ITGAM: variants seen among roughly 807,000 people sequenced by gnomAD.
The protein encoded by ITGAM is integrin alpha-M.
Under a neutral mutation model 137.5 loss-of-function variants are expected in ITGAM, and 79 were observed. The observed-to-expected ratio is 0.57, with a 90% CI of 0.48 to 0.69. The LOEUF is 0.69. Among genes scored for constraint, ITGAM ranks in the 30% least tolerant of loss-of-function variants. The probability of loss-of-function intolerance (pLI) is 0.00; values close to 1 mark genes in which losing one functional copy is unlikely to be tolerated. For synonymous variants in ITGAM, 583 were observed against 592.3 expected, an observed-to-expected ratio of 0.98 and a Z score of 0.23; for missense variants, 1,343 against 1,483.5, an observed-to-expected ratio of 0.91 and a Z score of 1.56.
At chr16:31,301,107 T>A (rs2080193210) in intron 14 of ITGAM, among the ~76,000 whole-genome samples, 1 of 152,248 alleles carries the variant, frequency 6.6e-6, no homozygotes. Context: ...GCTTAGTTAT[T>A]TTTGTCGTCT....
intron 22 of ITGAM, among the ~76,000 whole-genome samples, chr16:31,327,423 C>A (rs1333484417): frequency 1.1e-4 from 16 of 139,730 alleles, no homozygotes; most frequent in African/African-American, 1.9e-4. Context: ...CCTGTTTCTA[C>A]AAAAAAAAAA....
rs771460069 is a variant in ITGAM at position 31,265,505 on chromosome 16, C to T, written c.238+7C>T. 23 of 1,568,506 alleles carry T rather than the reference C, an allele frequency of 1.5e-5. No individual in the cohort carries two copies. In the South Asian group the frequency reaches 2.5e-4, roughly 17 times the overall value. On this transcript the variant is annotated splice_region_variant and intron_variant, in intron 3 of 29. Coordinates refer to ENST00000544665, the MANE Select transcript of ITGAM (RefSeq NM_000632.4). The stretch of plus-strand genomic sequence containing the variant: ...GAGCCCATCCGCCTGCAGGGTGAGT[C>T]ACTGCCCCGCCGGGCTGGGACTGGG...
rs2079753499 is a variant in ITGAM, at chr16:31,265,395, G to A, written c.135G>A (p.Arg45=). The change falls in exon 3 of 30, where the codon AGG becomes AGA. Residue 45 remains arginine (R), a splice_region_variant and synonymous_variant. Coordinates refer to ENST00000544665, the MANE Select transcript of ITGAM (RefSeq NM_000632.4). The part of the protein sequence containing the change: ...GQSVVQLQGS[R]VVVGAPQEIV... ...TCTCTGTTCCCACTTCTCCCCACAG[G>A]GTGGTGGTTGGAGCCCCCCAGGAGA... is the stretch of plus-strand genomic sequence containing the variant. The A allele has an allele frequency of 6.3e-7, 1 of 1,587,424 alleles. No homozygotes were observed. Among genetic ancestry groups the A allele is most frequent in the Non-Finnish European group, 8.6e-7 (1 of 1,164,394 alleles).
chr16:31,302,835 T>TTTTCTTTCTCTTTCTTTCTTC (rs1320964006), intron 14 of ITGAM, among the ~76,000 whole-genome samples: 1 of 151,182 alleles, frequency 6.6e-6, no homozygotes, highest in Non-Finnish European at 1.5e-5. Flanking sequence ...GCGCCCAGCT[T>TTTTCTTTCTCTTTCTTTCTTC]TTTCTTTCTC....
intron 12 of ITGAM, among the ~76,000 whole-genome samples, chr16:31,281,233 A>T (rs1041730372): frequency 1.4e-4 from 22 of 152,108 alleles, no homozygotes; most frequent in Non-Finnish European, 2.9e-4. Context: ...GCTGGCCTCA[A>T]AAAATGAGTT....
chr16:31,328,582 T>C (rs13338928), intron 23 of ITGAM, among the ~76,000 whole-genome samples: 30,154 of 150,374 alleles, frequency 0.2, 3,904 homozygotes, highest in South Asian at 0.5. Context: ...TGGGTGTGTA[T>C]TTGTGCATGT....
Position 31,330,331 on chromosome 16 carries a change from G to T in ITGAM, c.3084G>T (p.Gln1028His), listed in dbSNP as rs1192221167. 1 of 1,613,978 alleles carries T rather than the reference G, an allele frequency of 6.2e-7. No individual in the cohort carries two copies. The highest frequency in any genetic ancestry group is 1.7e-5 in the Admixed American group (1 of 60,026). Residue 1028 changes from glutamine (Q) to histidine (H), a missense_variant, in exon 27 of 30, where the codon CAG becomes CAT. Physicochemically the swap from Gln to His is conservative, Grantham distance 24 (BLOSUM62 0). Transcript: ENST00000544665. ...AGAACTGCTCCATCGCTGTCTGCCA[G>T]AGAATCCAGTGTGACATCCCGTTCT... ...PVVNCSIAVC[Q>H]RIQCDIPFFG... is the part of the protein sequence containing the mutation.
At chr16:31,331,510 T>TCCCCCCCCCCCC in intron 29 of ITGAM, 126 bp from the exon 30 acceptor site, 2 of 600,854 alleles carry the variant, frequency 3.3e-6, no homozygotes, top group Non-Finnish European at 3.0e-6. Context: ...CGGATGTCAC[T>TCCCCCCCCCCCC]CCCCTCCCGC....
At chr16:31,296,642 A>T (rs1226067575) in intron 12 of ITGAM, among the ~76,000 whole-genome samples, 1 of 152,074 alleles carries the variant, frequency 6.6e-6, no homozygotes, top group Non-Finnish European at 1.5e-5. Context: ...CCCTTTCTAG[A>T]ACTTGTCCCA....
At chr16:31,298,542 A>G (rs2080162934) in intron 14 of ITGAM, among the ~76,000 whole-genome samples, 1 of 152,226 alleles carries the variant, frequency 6.6e-6, no homozygotes, top group Non-Finnish European at 1.5e-5. Context: ...ATGGCAAGCT[A>G]GCAGTATTGG....
intron 21 of ITGAM, among the ~76,000 whole-genome samples, chr16:31,326,552 G>A (rs547980707): frequency 2.6e-5 from 4 of 152,176 alleles, no homozygotes; most frequent in East Asian, 1.9e-4. Context: ...AAGTAGCTGG[G>A]GTTACATGCG....
chr16:31,265,842 C>T lies in ITGAM; in HGVS notation c.270C>T (p.Gly90=). The T allele has an allele frequency of 6.2e-7, 1 of 1,613,976 alleles. No individual in the cohort carries two copies. The highest frequency in any genetic ancestry group is 8.5e-7 in the Non-Finnish European group (1 of 1,179,988). Residue 90 remains glycine (G), a synonymous_variant, in exon 4 of 30, where the codon GGC becomes GGT. Transcript: ENST00000544665. Reference sequence around the variant, plus strand: ...TGGAGGCCGTGAACATGTCCCTGGGCCTGTCCCTGGCAGCCACCACCAGCC... The same window carrying T: ...TGGAGGCCGTGAACATGTCCCTGGGTCTGTCCCTGGCAGCCACCACCAGCC... The part of the protein sequence containing the change: ...VPVEAVNMSL[G]LSLAATTSPP...
rs1292700554 is a variant in ITGAM, at chr16:31,271,043, G to A, written c.517G>A (p.Val173Ile). 2 of 1,582,448 alleles carry A rather than the reference G, an allele frequency of 1.3e-6. No individual in the cohort carries two copies. The highest frequency in any genetic ancestry group is 2.3e-5 in the South Asian group (2 of 86,266). Reference sequence around the variant, plus strand: ...TGACTTTCGGCGGATGAAGGAGTTTGTCTCAACTGTGATGGAGCAATTAAA... The same window carrying A: ...TGACTTTCGGCGGATGAAGGAGTTTATCTCAACTGTGATGGAGCAATTAAA... The part of the protein sequence containing the change: ...PHDFRRMKEF[V>I]STVMEQLKKS... The change falls in exon 6 of 30, where the codon GTC (valine) becomes ATC (isoleucine). Residue 173 changes from valine to isoleucine, a missense_variant. Coordinates refer to ENST00000544665, the MANE Select transcript of ITGAM (RefSeq NM_000632.4).
At chr16:31,327,840 G>A (rs2080524388) in intron 22 of ITGAM, among the ~76,000 whole-genome samples, 1 of 152,092 alleles carries the variant, frequency 6.6e-6, no homozygotes, top group Non-Finnish European at 1.5e-5. Flanking sequence ...GGGATTTGCA[G>A]TTTCGCCTCT....
intron 22 of ITGAM, 22 bp from the exon 23 acceptor site, chr16:31,328,125 G>T: frequency 6.3e-7 from 1 of 1,592,036 alleles, no homozygotes; most frequent in Non-Finnish European, 8.6e-7. Context: ...AGAGCCGGCT[G>T]GAGCTCTTTC....
At chr16:31,261,198 CTTTTTTT>C (rs1017498448) in intron 1 of ITGAM, among the ~76,000 whole-genome samples, 7,807 of 123,210 alleles carry the variant, frequency 0.063, 734 homozygotes, top group African/African-American at 0.21. Context: ...ATGCTGCTAT[CTTTTTTT>C]TTTTTTTTTT....
intron 14 of ITGAM, among the ~76,000 whole-genome samples, chr16:31,310,805 T>G (rs867241067): frequency 2.6e-4 from 39 of 152,170 alleles, no homozygotes; most frequent in Non-Finnish European, 4.7e-4. Context: ...TCTGCTCTGT[T>G]TTTTCCCCAT....
chr16:31,278,130 A>G, intron 12 of ITGAM, 21 bp downstream of exon 12: 1 of 1,595,398 alleles, frequency 6.3e-7, no homozygotes. Flanking sequence ...TTTGTGGAGC[A>G]TGAATGTGCA....
At chr16:31,278,572 G>A (rs1246624766) in intron 12 of ITGAM, among the ~76,000 whole-genome samples, 1 of 152,102 alleles carries the variant, frequency 6.6e-6, no homozygotes, top group Non-Finnish European at 1.5e-5. Flanking sequence ...CTCAGTACCT[G>A]TGCAGCTCCA....
Sources: allele counts gnomAD v4.1 joint callset (sites outside exome capture counted in the v4.1 genomes callset), GRCh38; gene constraint gnomAD v4.1.1; transcripts MANE v1.5; gene names NCBI Gene and HGNC (gene_info 2026-07-23, HGNC 2026-07-21).